DYRK1A: variants seen among roughly 807,000 people sequenced by gnomAD.
The protein encoded by DYRK1A is dual specificity tyrosine-phosphorylation-regulated kinase 1A.
Under a neutral mutation model 79.7 loss-of-function variants are expected in DYRK1A, and 9 were observed. The observed-to-expected ratio is 0.11, with a 90% CI of 0.07 to 0.20. DYRK1A has a LOEUF of 0.20. Ranked by LOEUF, DYRK1A falls within the 10% of genes least tolerant of loss-of-function variation. The pLI is 1.00. For synonymous variants in DYRK1A, 349 were observed against 329.7 expected, an observed-to-expected ratio of 1.06 and a Z score of -0.63; for missense variants, 622 against 956.0, an observed-to-expected ratio of 0.65 and a Z score of 4.61.
chr21:37,517,592 G>C lies in DYRK1A; in HGVS notation c.*5061G>C, dbSNP rs2053893890. On this transcript the variant is annotated 3_prime_UTR_variant, in exon 12 of 12. Coordinates refer to ENST00000647188, the MANE Select transcript of DYRK1A (RefSeq NM_001347721.2). ...GAGCCAAGGGCAAAATAAAGTGGCA[G>C]GCACTGGGTGTGTGTGGTAGTTCTG... 1 of 152,238 alleles carries C rather than the reference G, an allele frequency of 6.6e-6. No homozygotes were observed. The highest frequency in any genetic ancestry group is 6.5e-5 in the Admixed American group (1 of 15,276). 9.4% of individuals were successfully genotyped at this position (152,238 alleles called of 1,614,324 possible). A position where few individuals can be genotyped will look rare whatever the true frequency, so the allele number is the denominator to read the frequency against.
chr21:37,409,528 ATT>A (rs781266134), intron 1 of DYRK1A, among the ~76,000 whole-genome samples: 1 of 152,218 alleles, frequency 6.6e-6, no homozygotes, highest in Non-Finnish European at 1.5e-5. Context: ...AGTTTAAAAA[ATT>A]GGAAGTACTT....
chr21:37,374,659 T>G (rs2049501543), intron 1 of DYRK1A, among the ~76,000 whole-genome samples: 1 of 152,072 alleles, frequency 6.6e-6, no homozygotes, highest in Non-Finnish European at 1.5e-5. Flanking sequence ...TTCACGCCAT[T>G]CTTGTGCCTC....
Position 37,450,973 on chromosome 21 carries a change from A to G in DYRK1A, c.11-21711A>G, listed in dbSNP as rs142299896. Among the ~76,000 whole-genome samples, 4 of 152,292 alleles carry G rather than the reference A, an allele frequency of 2.6e-5. No individual in the cohort carries two copies. In the East Asian group the frequency reaches 7.7e-4, roughly 29 times the overall value. On this transcript the variant is annotated intron_variant, in intron 2 of 11. Transcript: ENST00000647188. The stretch of plus-strand genomic sequence containing the variant: ...CTAAGACTGTAATGAAGCTACAAAA[A>G]TCCTATCACCTAGTGATGTCTTGCG...
rs564315919 is a variant in DYRK1A, at chr21:37,403,798, GT to G, written c.-76-16488del. Among the ~76,000 whole-genome samples, 1,147 of 139,582 alleles carry G rather than the reference GT, an allele frequency of 8.2e-3. 19 individuals carry two copies. The highest frequency in any genetic ancestry group is 0.027 in the African/African-American group (1,042 of 38,114). 91.6% of individuals were successfully genotyped at this position (139,582 alleles called of 152,430 possible). On this transcript the variant is annotated intron_variant, in intron 1 of 11. Coordinates refer to ENST00000647188, the MANE Select transcript of DYRK1A (RefSeq NM_001347721.2). Reference sequence around the variant, plus strand: ...TCCCTTGGAACTTTTGATGAATACTGTTTTTTTTTTTTTCTTCTCCTAAGAA... The same window carrying G: ...TCCCTTGGAACTTTTGATGAATACTGTTTTTTTTTTTTCTTCTCCTAAGAA...
At chr21:37,398,367 G>A (rs184552369) in intron 1 of DYRK1A, among the ~76,000 whole-genome samples, 3 of 151,130 alleles carry the variant, frequency 2.0e-5, no homozygotes, top group Admixed American at 6.6e-5. Context: ...TAAAAGTGCC[G>A]TAAAAATTTT....
chr21:37,498,136 G>A (rs2053330213), intron 9 of DYRK1A, among the ~76,000 whole-genome samples: 1 of 152,020 alleles, frequency 6.6e-6, no homozygotes, highest in Non-Finnish European at 1.5e-5. Flanking sequence ...CATTTCAAAA[G>A]CCCCATATTA....
chr21:37,505,088 C>T, intron 9 of DYRK1A, 195 bp from the exon 10 acceptor site: 5 of 552,512 alleles, frequency 9.0e-6, no homozygotes, highest in Non-Finnish European at 1.3e-5. Context: ...CATTTTTGGT[C>T]TCAGAATTAA....
At chr21:37,452,237 G>A (rs2148504538) in intron 2 of DYRK1A, among the ~76,000 whole-genome samples, 1 of 151,970 alleles carries the variant, frequency 6.6e-6, no homozygotes, top group East Asian at 1.9e-4. Flanking sequence ...AGTTATTGTA[G>A]GGGATTCCCC....
At chr21:37,473,862 T>G (rs1344326845) in intron 3 of DYRK1A, among the ~76,000 whole-genome samples, 1 of 152,228 alleles carries the variant, frequency 6.6e-6, no homozygotes, top group Non-Finnish European at 1.5e-5. Context: ...GATTTCAGTT[T>G]AGTTGCGTGT....
chr21:37,495,980 C>T, intron 8 of DYRK1A, 138 bp from the exon 9 acceptor site: 1 of 744,980 alleles, frequency 1.3e-6, no homozygotes. Context: ...TGTGTTTGTT[C>T]ATTACTGTAT....
chr21:37,440,282 T>C (rs890211124), intron 2 of DYRK1A, among the ~76,000 whole-genome samples: 1 of 151,486 alleles, frequency 6.6e-6, no homozygotes, highest in Non-Finnish European at 1.5e-5. Context: ...ACTACAGTTG[T>C]GTGCCACTAC....
intron 1 of DYRK1A, among the ~76,000 whole-genome samples, chr21:37,391,112 T>G (rs1242522041): frequency 6.6e-6 from 1 of 152,262 alleles, no homozygotes; most frequent in Non-Finnish European, 1.5e-5. Flanking sequence ...TTACCAAATT[T>G]CAGAACTCTT....
At chr21:37,365,908 C>G (rs1051233923), upstream of DYRK1A, 1 of 152,120 alleles carries the variant, frequency 6.6e-6, no homozygotes, top group African/African-American at 2.4e-5. Context: ...CATGATGGCT[C>G]CAGCCTAATT....
intron 2 of DYRK1A, among the ~76,000 whole-genome samples, chr21:37,428,580 GTATT>G (rs2050690589): frequency 6.6e-6 from 1 of 152,170 alleles, no homozygotes; most frequent in Non-Finnish European, 1.5e-5. Context: ...TGTGAAGAAT[GTATT>G]TATTGATAAT....
At position 37,464,822 on chromosome 21, in the gene DYRK1A, T is replaced by C. The variant is rs76639944; in HGVS notation, c.11-7862T>C. On this transcript the variant is annotated intron_variant, in intron 2 of 11. Transcript: ENST00000647188. ...TGTTACAGGATGAACTGAGTCATTT[T>C]TTCCATTAACATTTGCATTAAAATT... 4.1e-3 allele frequency among the ~76,000 whole-genome samples: 627 copies of C among 152,340 alleles called. 8 individuals are homozygous for C. Among genetic ancestry groups the C allele is most frequent in the African/African-American group, 0.014 (599 of 41,570 alleles).
At chr21:37,439,653 A>G (rs866072268) in intron 2 of DYRK1A, among the ~76,000 whole-genome samples, 1 of 152,196 alleles carries the variant, frequency 6.6e-6, no homozygotes, top group Non-Finnish European at 1.5e-5. Context: ...GAGGTAGAAC[A>G]GTTTTTCATT....
rs772119851 is a variant in DYRK1A, at chr21:37,480,848, A to G, written c.489+22A>G. The G allele has an allele frequency of 1.2e-5, 18 of 1,554,420 alleles. No homozygotes were observed. The Admixed American group carries it at 3.2e-4, about 28-fold the overall frequency. The stretch of plus-strand genomic sequence containing the variant: ...ACAGGTAATTTAATGGAAAATGCTG[A>G]ATTTCATTAGTTAGAAAGAACTTCT... On this transcript the variant is annotated intron_variant, in intron 5 of 11. Coordinates refer to ENST00000647188, the MANE Select transcript of DYRK1A (RefSeq NM_001347721.2).
intron 1 of DYRK1A, among the ~76,000 whole-genome samples, chr21:37,390,813 G>A (rs1007380070): frequency 2.0e-5 from 3 of 151,768 alleles, no homozygotes; most frequent in Non-Finnish European, 4.4e-5. Flanking sequence ...CAGGCAGTCC[G>A]CCTGCCTCAG....
At chr21:37,511,482 G>A (rs1007328910) in intron 11 of DYRK1A, among the ~76,000 whole-genome samples, 1 of 152,168 alleles carries the variant, frequency 6.6e-6, no homozygotes, top group African/African-American at 2.4e-5. Context: ...GTTGGACAGA[G>A]GCATTGTTGA....
Sources: allele counts gnomAD v4.1 joint callset (sites outside exome capture counted in the v4.1 genomes callset), GRCh38; gene constraint gnomAD v4.1.1; transcripts MANE v1.5; gene names NCBI Gene and HGNC (gene_info 2026-07-23, HGNC 2026-07-21).